ADH5: variants seen among roughly 807,000 people sequenced by gnomAD.
ADH5 encodes the protein alcohol dehydrogenase 5 (class III), chi polypeptide.
Under a neutral mutation model 40.3 loss-of-function variants are expected in ADH5, and 32 were observed. The observed-to-expected ratio is 0.79, with a 90% CI of 0.60 to 1.07. ADH5 has a LOEUF of 1.07. Ranked by LOEUF, ADH5 falls within the 50% of genes least tolerant of loss-of-function variation. The pLI is 0.00. For missense variants in ADH5, 353 were observed against 460.5 expected (o/e 0.77, Z 2.14); for synonymous variants, 125 against 154.3 (o/e 0.81, Z 1.41).
chr4:99,081,072 A>G (rs533955508), intron 4 of ADH5, among the ~76,000 whole-genome samples: 1 of 152,324 alleles, frequency 6.6e-6, no homozygotes, highest in South Asian at 2.1e-4. Flanking sequence ...TCAAATCATA[A>G]AACACGTTGT....
At chr4:99,086,749 C>A (rs911983099) in intron 1 of ADH5, among the ~76,000 whole-genome samples, 1 of 150,346 alleles carries the variant, frequency 6.7e-6, no homozygotes, top group African/African-American at 2.5e-5. Context: ...TCGAGACCAT[C>A]CTGGCTAGGT....
chr4:99,077,025 G>A, intron 4 of ADH5, 102 bp from the exon 5 acceptor site: 1 of 862,376 alleles, frequency 1.2e-6, no homozygotes, highest in Non-Finnish European at 1.8e-6. Context: ...TATTAAGAAA[G>A]TGTTGTAAAC....
At position 99,076,407 on chromosome 4, in the gene ADH5, G is replaced by C. The variant is rs201260644; in HGVS notation, c.710C>G (p.Ala237Gly). The change falls in exon 6 of 9, where the codon GCC (alanine) becomes GGC (glycine). Residue 237 changes from alanine to glycine, a missense_variant. Physicochemically the swap from Ala to Gly is moderately conservative, Grantham distance 60. Coordinates refer to ENST00000296412, the MANE Select transcript of ADH5 (RefSeq NM_000671.4). ...DKFARAKEFGATECINPQDFS... is the reference protein window; with the variant it reads ...DKFARAKEFGGTECINPQDFS... ...ATCCTGAGGGTTAATACATTCAGTG[G>C]CTCCAAACTCTTTGGCCCTTGCAAA... is the stretch of plus-strand genomic sequence containing the variant. 2.0e-4 allele frequency: 327 copies of C among 1,613,966 alleles called. 1 individual carries two copies. Among genetic ancestry groups the C allele is most frequent in the Non-Finnish European group, 4.4e-5 (52 of 1,180,030 alleles).
chr4:99,088,778 C>T lies in ADH5; in HGVS notation c.-78G>A. 4 of 1,183,514 alleles carry T rather than the reference C, an allele frequency of 3.4e-6. No individual in the cohort carries two copies. Among genetic ancestry groups the T allele is most frequent in the African/African-American group, 1.8e-5 (1 of 55,458 alleles). 73.3% of individuals were successfully genotyped at this position (1,183,514 alleles called of 1,614,324 possible). On this transcript the variant is annotated 5_prime_UTR_variant, in exon 1 of 9. Coordinates refer to ENST00000296412, the MANE Select transcript of ADH5 (RefSeq NM_000671.4). Reference sequence around the variant, plus strand: ...GCGACGGAGGCATGGGCGTGGCGAGCGCCTAGCGAGGGGGGCGGGGCGTGG... The same window carrying T: ...GCGACGGAGGCATGGGCGTGGCGAGTGCCTAGCGAGGGGGGCGGGGCGTGG...
In ADH5 at chr4:99,085,463, T is replaced by C. The variant is rs1000947165; in HGVS notation, c.13-247A>G. On this transcript the variant is annotated intron_variant, in intron 1 of 8. Coordinates refer to ENST00000296412, the MANE Select transcript of ADH5 (RefSeq NM_000671.4). ...TGGTTAAAAAGTTGTACTCATCAAATATTTAATGGCCTTCTACAGTGCATA... is the reference window on the plus strand; with the variant it reads ...TGGTTAAAAAGTTGTACTCATCAAACATTTAATGGCCTTCTACAGTGCATA... 1.1e-5 allele frequency: 4 copies of C among 358,938 alleles called. No homozygotes were observed. In the Admixed American group the frequency reaches 1.4e-4, roughly 13 times the overall value. The allele number at this position is 358,938 out of a possible 1,614,324, so 22.2% of individuals were successfully genotyped here.
intron 4 of ADH5, among the ~76,000 whole-genome samples, chr4:99,079,582 G>C (rs1727989459): frequency 6.6e-6 from 1 of 151,862 alleles, no homozygotes; most frequent in African/African-American, 2.4e-5. Flanking sequence ...ATCATTCATT[G>C]AGCTGTACAC....
intron 4 of ADH5, among the ~76,000 whole-genome samples, chr4:99,078,393 A>G (rs113156314): frequency 9.0e-4 from 137 of 152,320 alleles, no homozygotes; most frequent in African/African-American, 3.1e-3. Flanking sequence ...AGAAGAGGTG[A>G]CAAAGCTCCA....
chr4:99,088,728 G>A lies in ADH5; in HGVS notation c.-28C>T, dbSNP rs778197850. On this transcript the variant is annotated 5_prime_UTR_variant, in exon 1 of 9. Transcript: ENST00000296412. ...TCACGGATTCTGGTCGGCGCGGGGG[G>A]CTGACATCCGGGGTGGGCCGCGCAG... 19 of 1,595,814 alleles carry A rather than the reference G, an allele frequency of 1.2e-5. No homozygotes were observed. Among genetic ancestry groups the A allele is most frequent in the East Asian group, 2.3e-5 (1 of 43,374 alleles).
In ADH5 at chr4:99,085,209, T is replaced by C; in HGVS notation, c.20A>G (p.Lys7Arg). MANEVI[K>R]CKAAVAWEAG... ...CTCCCAAGCAACTGCAGCCTTGCAC[T>C]TGATAACCTGAAGTGGGGAAAAAAG... is the stretch of plus-strand genomic sequence containing the variant. Residue 7 changes from lysine to arginine, a missense_variant, in exon 2 of 9, where the codon AAG becomes AGG. Physicochemically the swap from Lys to Arg is conservative, Grantham distance 26 (BLOSUM62 2). Transcript: ENST00000296412. 1 of 1,503,028 alleles carries C rather than the reference T, an allele frequency of 6.7e-7. No homozygotes were observed. The highest frequency in any genetic ancestry group is 8.9e-7 in the Non-Finnish European group (1 of 1,121,840). 93.1% of individuals were successfully genotyped at this position (1,503,028 alleles called of 1,614,324 possible).
At chr4:99,082,408 A>G (rs1454048688) in intron 2 of ADH5, among the ~76,000 whole-genome samples, 1 of 152,198 alleles carries the variant, frequency 6.6e-6, no homozygotes, top group Non-Finnish European at 1.5e-5. Flanking sequence ...GAAGGTAAAC[A>G]AGGTCATTTT....
In ADH5 at chr4:99,071,017, A is replaced by G. The variant is rs1468241741; in HGVS notation, c.*1400T>C. The G allele has an allele frequency of 1.3e-5, 2 of 152,248 alleles. No individual in the cohort carries two copies. Among genetic ancestry groups the G allele is most frequent in the Non-Finnish European group, 2.9e-5 (2 of 68,038 alleles). The allele number at this position is 152,248 out of a possible 1,614,324, so 9.4% of individuals were successfully genotyped here. On this transcript the variant is annotated 3_prime_UTR_variant, in exon 9 of 9. Transcript: ENST00000296412. ...TTAAAACTTTATTCAACAAAATACC[A>G]TAAAGTAAAAAGAAAAGTCACAAGA...
In ADH5 at chr4:99,081,420, A is replaced by G. The variant is rs1434569874; in HGVS notation, c.289T>C (p.Cys97Arg). ...TTTAGACAAAATTTGCATTCTCCAC[A>G]CTGTGGGATGTAAAGTGGGATGACA... Reference protein sequence around the residue: ...DTVIPLYIPQCGECKFCLNPK... With the variant: ...DTVIPLYIPQRGECKFCLNPK... The change falls in exon 4 of 9, where the codon TGT becomes CGT. Residue 97 changes from cysteine (C) to arginine (R), a missense_variant. By Grantham distance (180) the Cys-to-Arg change is radical. Coordinates refer to ENST00000296412, the MANE Select transcript of ADH5 (RefSeq NM_000671.4). 1.9e-6 allele frequency: 3 copies of G among 1,610,116 alleles called. No individual in the cohort carries two copies. The highest frequency in any genetic ancestry group is 1.3e-5 in the African/African-American group (1 of 75,004).
At position 99,088,750 on chromosome 4, in the gene ADH5, G is replaced by C. The variant is rs533696123; in HGVS notation, c.-50C>G. ...GGGGCTGACATCCGGGGTGGGCCGC[G>C]CAGCGACGGAGGCATGGGCGTGGCG... On this transcript the variant is annotated 5_prime_UTR_variant, in exon 1 of 9. Transcript: ENST00000296412. 61 of 1,568,630 alleles carry C rather than the reference G, an allele frequency of 3.9e-5. 1 individual carries two copies. In the Admixed American group the frequency reaches 1.1e-3, roughly 28 times the overall value.
chr4:99,077,922 C>A (rs1216420068), intron 4 of ADH5, among the ~76,000 whole-genome samples: 2 of 152,330 alleles, frequency 1.3e-5, no homozygotes, highest in African/African-American at 2.4e-5. Flanking sequence ...TTTATGCCTT[C>A]ATTTTCTCAC....
intron 4 of ADH5, among the ~76,000 whole-genome samples, chr4:99,077,801 T>C (rs1727957000): frequency 6.6e-6 from 1 of 152,220 alleles, no homozygotes. Context: ...TAACAAAAAT[T>C]ACTTTTGCTA....
intron 4 of ADH5, among the ~76,000 whole-genome samples, chr4:99,080,289 T>G (rs28730608): frequency 0.036 from 5,515 of 151,634 alleles, 334 homozygotes; most frequent in African/African-American, 0.13. Context: ...AATAAAGGAG[T>G]TGAAAGAAAA....
chr4:99,082,924 C>A (rs1345598760), intron 2 of ADH5, among the ~76,000 whole-genome samples: 1 of 152,196 alleles, frequency 6.6e-6, no homozygotes, highest in Non-Finnish European at 1.5e-5. Context: ...TATCTGCCTG[C>A]CTTGGCCTCC....
rs1728191650 is a variant in ADH5, at chr4:99,088,397, G to A, written c.12+292C>T. Among the ~76,000 whole-genome samples, 4 of 152,080 alleles carry A rather than the reference G, an allele frequency of 2.6e-5. No individual in the cohort carries two copies. The South Asian group carries it at 8.3e-4, about 32-fold the overall frequency. On this transcript the variant is annotated intron_variant, in intron 1 of 8. Coordinates refer to ENST00000296412, the MANE Select transcript of ADH5 (RefSeq NM_000671.4). Reference sequence around the variant, plus strand: ...TGGCCGCTCCTAAGCCATTTCCACTGGGATACCGACCTGACCAGCCCCTGC... The same window carrying A: ...TGGCCGCTCCTAAGCCATTTCCACTAGGATACCGACCTGACCAGCCCCTGC...
chr4:99,088,557 G>C (rs1002953235), intron 1 of ADH5, 132 bp downstream of exon 1: 9 of 908,084 alleles, frequency 9.9e-6, no homozygotes, highest in African/African-American at 1.7e-5. Flanking sequence ...CTCGCTGGGG[G>C]CCCAGTTTCA....
Sources: gnomAD v4.1 joint callset for allele counts (sites outside exome capture counted in the v4.1 genomes callset) on GRCh38, gnomAD v4.1.1 for gene constraint, MANE v1.5 for transcripts, NCBI Gene and HGNC (gene_info 2026-07-23, HGNC 2026-07-21) for gene names.